CERS6: variants seen among roughly 807,000 people sequenced by gnomAD.
CERS6 encodes ceramide synthase 6.
CERS6 carries 26 observed loss-of-function variants against 56.8 expected under a neutral mutation model. The observed-to-expected ratio is 0.46, with a 90% CI of 0.34 to 0.63. The LOEUF is 0.63. Ranked by LOEUF, CERS6 falls within the 30% of genes least tolerant of loss-of-function variation. CERS6 has a pLI of 0.01. For synonymous variants in CERS6, 164 were observed against 173.3 expected (o/e 0.95, Z 0.42); for missense variants, 415 against 467.5 (o/e 0.89, Z 1.04).
intron 4 of CERS6, among the ~76,000 whole-genome samples, chr2:168,688,374 G>A (rs1010328026): frequency 4.8e-5 from 7 of 147,018 alleles, no homozygotes; most frequent in African/African-American, 7.5e-5. Context: ...CAGAGGTCGC[G>A]CCACTATACT....
chr2:168,497,595 C>T (rs1017896513), intron 1 of CERS6, among the ~76,000 whole-genome samples: 1 of 152,134 alleles, frequency 6.6e-6, no homozygotes, highest in Non-Finnish European at 1.5e-5. Context: ...ATGGCAGTAC[C>T]TGCATAATCT....
At chr2:168,694,553 GC>G (rs1686591860) in intron 5 of CERS6, among the ~76,000 whole-genome samples, 1 of 152,156 alleles carries the variant, frequency 6.6e-6, no homozygotes, top group African/African-American at 2.4e-5. Context: ...GACCCATACA[GC>G]ATTCCAGTTC....
chr2:168,463,780 T>C (rs1368721179), intron 1 of CERS6, among the ~76,000 whole-genome samples: 1 of 151,936 alleles, frequency 6.6e-6, no homozygotes, highest in Non-Finnish European at 1.5e-5. Context: ...GTGGTGTTGC[T>C]CACCTGTAGT....
chr2:168,617,315 T>C (rs909500684), intron 3 of CERS6, among the ~76,000 whole-genome samples: 1 of 151,858 alleles, frequency 6.6e-6, no homozygotes, highest in Non-Finnish European at 1.5e-5. Context: ...GAGATCACAC[T>C]TCAAGGAACT....
chr2:168,638,291 A>G (rs1028965617), intron 4 of CERS6, among the ~76,000 whole-genome samples: 1 of 152,118 alleles, frequency 6.6e-6, no homozygotes, highest in Non-Finnish European at 1.5e-5. Flanking sequence ...CTCTCCTTCT[A>G]TGTTATGAAT....
At chr2:168,534,338 T>G (rs1695219923) in intron 1 of CERS6, among the ~76,000 whole-genome samples, 1 of 152,104 alleles carries the variant, frequency 6.6e-6, no homozygotes, top group African/African-American at 2.4e-5. Flanking sequence ...TTGATTCTTT[T>G]TCATCTTCGT....
intron 1 of CERS6, among the ~76,000 whole-genome samples, chr2:168,486,195 G>C (rs916608429): frequency 1.3e-5 from 2 of 151,938 alleles, no homozygotes; most frequent in African/African-American, 2.4e-5. Flanking sequence ...TCTTTAACTA[G>C]GTTGTTTTCT....
At chr2:168,524,509 A>T (rs1448087550) in intron 1 of CERS6, among the ~76,000 whole-genome samples, 1 of 152,172 alleles carries the variant, frequency 6.6e-6, no homozygotes, top group African/African-American at 2.4e-5. Context: ...TCAGATAGAG[A>T]CGGAATTGAG....
At chr2:168,666,893 G>A (rs754159832) in intron 4 of CERS6, among the ~76,000 whole-genome samples, 20 of 152,256 alleles carry the variant, frequency 1.3e-4, no homozygotes, top group Middle Eastern at 3.4e-3. Flanking sequence ...GGGCTCAAAC[G>A]AGTTCTCATG....
chr2:168,570,592 C>T (rs1177793448), intron 3 of CERS6, among the ~76,000 whole-genome samples: 7 of 152,016 alleles, frequency 4.6e-5, no homozygotes, highest in African/African-American at 9.7e-5. Context: ...AGGAGGTCAG[C>T]GTGACTTCTG....
At chr2:168,634,007 C>T (rs1344545466) in intron 4 of CERS6, among the ~76,000 whole-genome samples, 1 of 152,084 alleles carries the variant, frequency 6.6e-6, no homozygotes, top group Non-Finnish European at 1.5e-5. Flanking sequence ...TTGCACTGAT[C>T]GGTTTTCTTC....
At chr2:168,564,064 G>A (rs767234544) in intron 3 of CERS6, among the ~76,000 whole-genome samples, 52 of 152,044 alleles carry the variant, frequency 3.4e-4, no homozygotes, top group Non-Finnish European at 5.9e-4. Context: ...TTTATTCTGT[G>A]TTTGCTGTGT....
intron 3 of CERS6, among the ~76,000 whole-genome samples, chr2:168,582,133 GA>G (rs1051505761): frequency 3.9e-5 from 6 of 152,172 alleles, no homozygotes; most frequent in African/African-American, 1.4e-4. Flanking sequence ...AAGTTTCCCA[GA>G]ATTGGGGGTA....
intron 4 of CERS6, among the ~76,000 whole-genome samples, chr2:168,672,168 G>C (rs527952650): frequency 1.8e-4 from 27 of 152,320 alleles, no homozygotes; most frequent in South Asian, 6.2e-4. Context: ...TGGAAGTATA[G>C]ATTGAAGTTA....
chr2:168,587,853 T>C (rs1371832976), intron 3 of CERS6, among the ~76,000 whole-genome samples: 2 of 152,106 alleles, frequency 1.3e-5, no homozygotes, highest in Non-Finnish European at 2.9e-5. Context: ...AATGATATAG[T>C]AGTATAACAT....
At chr2:168,729,036 A>G (rs1193656407) in intron 8 of CERS6, among the ~76,000 whole-genome samples, 1 of 149,774 alleles carries the variant, frequency 6.7e-6, no homozygotes, top group Non-Finnish European at 1.5e-5. Context: ...AAAAAGGTGC[A>G]TTGTCCTAGT....
intron 1 of CERS6, among the ~76,000 whole-genome samples, chr2:168,509,690 T>C (rs10192972): frequency 0.049 from 7,436 of 152,296 alleles, 606 homozygotes; most frequent in African/African-American, 0.17. Context: ...TCAGTGTTTG[T>C]AGAGTATTTG....
chr2:168,523,738 T>C (rs1695023705), intron 1 of CERS6, among the ~76,000 whole-genome samples: 1 of 152,054 alleles, frequency 6.6e-6, no homozygotes. Flanking sequence ...TTGGAGAAGA[T>C]ATTATTTGTG....
chr2:168,652,997 C>T (rs1022764631), intron 4 of CERS6, among the ~76,000 whole-genome samples: 1 of 152,168 alleles, frequency 6.6e-6, no homozygotes, highest in Admixed American at 6.5e-5. Flanking sequence ...AGCATTTATA[C>T]GTGTTGTGTA....
Sources: gnomAD v4.1 joint callset for allele counts (sites outside exome capture counted in the v4.1 genomes callset) on GRCh38, gnomAD v4.1.1 for gene constraint, MANE v1.5 for transcripts, NCBI Gene and HGNC (gene_info 2026-07-23, HGNC 2026-07-21) for gene names.